Variants in CARD19 observed in about 807,000 individuals in gnomAD.
The protein encoded by CARD19 is caspase recruitment domain-containing protein 19.
In CARD19, 25 loss-of-function variants were observed where a neutral mutation model predicts 24.1. The ratio of observed to expected loss-of-function variants is 1.04; its 90% CI spans 0.76 to 1.45. The LOEUF is 1.45. CARD19 is among the 40% of genes most tolerant of loss of function. The probability of loss-of-function intolerance (pLI) is 0.00; values close to 1 mark genes in which losing one functional copy is unlikely to be tolerated. For missense variants in CARD19, 241 were observed against 247.4 expected, an observed-to-expected ratio of 0.97 and a Z score of 0.17; for synonymous variants, 103 against 104.9, an observed-to-expected ratio of 0.98 and a Z score of 0.11.
rs11557582 is a variant in CARD19, at chr9:93,110,634, G to C, written c.217G>C (p.Gly73Arg). ...CCTCCTGAGCCACCTGCAGCGGAGCGGTGAGCGGGACTGCCAGGAGTTCTA... is the reference window on the plus strand; with the variant it reads ...CCTCCTGAGCCACCTGCAGCGGAGCCGTGAGCGGGACTGCCAGGAGTTCTA... ...CDLLSHLQRS[G>R]ERDCQEFYRA... Residue 73 changes from glycine (G) to arginine (R), a missense_variant, in exon 3 of 6, where the codon GGT (glycine) becomes CGT (arginine). Transcript: ENST00000375464. The C allele has an allele frequency of 1.9e-6, 3 of 1,613,904 alleles. No individual in the cohort carries two copies. The South Asian group carries it at 3.3e-5, about 18-fold the overall frequency.
chr9:93,106,868 T>G (rs1014973185), intron 1 of CARD19, among the ~76,000 whole-genome samples: 2 of 152,156 alleles, frequency 1.3e-5, no homozygotes, highest in African/African-American at 4.8e-5. Flanking sequence ...TCAGTCCCTG[T>G]GGGGGTCCTG....
At chr9:93,108,158 G>A (rs554545851) in intron 2 of CARD19, among the ~76,000 whole-genome samples, 40 of 152,294 alleles carry the variant, frequency 2.6e-4, no homozygotes, top group African/African-American at 7.9e-4. Context: ...TACGGAGGGA[G>A]GCGAGAAAGA....
In CARD19 at chr9:93,104,265, C is replaced by T. The variant is rs116004177; in HGVS notation, c.8-3409C>T. Among the ~76,000 whole-genome samples, 238 of 152,160 alleles carry T rather than the reference C, an allele frequency of 1.6e-3. 1 individual carries two copies. Among genetic ancestry groups the T allele is most frequent in the African/African-American group, 5.5e-3 (230 of 41,518 alleles). On this transcript the variant is annotated intron_variant, in intron 1 of 5. Transcript: ENST00000375464. ...ATAAAGAGTATTGGTCTGTAGTGTT[C>T]TTTTCCATTTTTCTTTTTTCACAGA...
intron 3 of CARD19, chr9:93,111,456 G>A (rs1196413785): frequency 1.9e-6 from 2 of 1,075,252 alleles, no homozygotes; most frequent in Non-Finnish European, 2.3e-6. Flanking sequence ...CTTGTCCCAG[G>A]CTACTGGGCT....
chr9:93,110,892 G>A (rs1449365333), intron 3 of CARD19, 171 bp downstream of exon 3: 1 of 1,533,204 alleles, frequency 6.5e-7, no homozygotes, highest in Non-Finnish European at 8.7e-7. Context: ...TGGCCCCGAG[G>A]GGAGAGTGTG....
intron 1 of CARD19, among the ~76,000 whole-genome samples, chr9:93,102,529 C>T (rs1827122683): frequency 6.6e-6 from 1 of 151,950 alleles, no homozygotes; most frequent in Admixed American, 6.6e-5. Flanking sequence ...ATTCTAGACT[C>T]TCTTATTCTA....
In CARD19 at chr9:93,107,729, G is replaced by A. The variant is rs1564209951; in HGVS notation, c.63G>A (p.Gly21=). The A allele has an allele frequency of 1.9e-6, 3 of 1,614,236 alleles. No homozygotes were observed. The highest frequency in any genetic ancestry group is 2.5e-6 in the Non-Finnish European group (3 of 1,180,036). The change falls in exon 2 of 6, where the codon GGG becomes GGA. Residue 21 remains glycine, a synonymous_variant. Coordinates refer to ENST00000375464, the MANE Select transcript of CARD19 (RefSeq NM_032310.5). ...VQDTPFLTGH[G]RLSEQQVDRI... is the part of the protein sequence containing the mutation. ...ACACGCCTTTCCTGACAGGCCATGG[G>A]CGCTTGAGTGAGCAGCAGGTGGACA...
intron 4 of CARD19, 22 bp from the exon 5 acceptor site, chr9:93,112,196 G>T: frequency 6.5e-7 from 1 of 1,543,506 alleles, no homozygotes; most frequent in East Asian, 2.4e-5. Context: ...GGGGAGCCCT[G>T]TTCACGCTGG....
At chr9:93,108,117 GAC>G (rs922525373) in intron 2 of CARD19, among the ~76,000 whole-genome samples, 6 of 152,106 alleles carry the variant, frequency 3.9e-5, no homozygotes, top group African/African-American at 1.2e-4. Context: ...GATAACATGT[GAC>G]AATACATGAA....
At chr9:93,108,036 T>C (rs1208847937) in intron 2 of CARD19, among the ~76,000 whole-genome samples, 1 of 152,204 alleles carries the variant, frequency 6.6e-6, no homozygotes, top group Admixed American at 6.5e-5. Flanking sequence ...ACATCAGCTC[T>C]CTGTGCCTCG....
At chr9:93,111,299 G>A in intron 3 of CARD19, 4 of 1,146,300 alleles carry the variant, frequency 3.5e-6, no homozygotes, top group Non-Finnish European at 4.3e-6. Context: ...CAGTAGCCTG[G>A]GCCCACAGAG....
In CARD19 at chr9:93,107,690, C is replaced by T. The variant is rs926399337; in HGVS notation, c.24C>T (p.Asp8=). 1 of 1,614,222 alleles carries T rather than the reference C, an allele frequency of 6.2e-7. No homozygotes were observed. The change falls in exon 2 of 6, where the codon GAC becomes GAT. Residue 8 remains aspartate (D), a synonymous_variant. Coordinates refer to ENST00000375464, the MANE Select transcript of CARD19 (RefSeq NM_032310.5). ...CTGTTTTAGATCAGACCTATTGTGA[C>T]CGCCTGGTGCAGGACACGCCTTTCC... MTDQTYC[D]RLVQDTPFLT... is the part of the protein sequence containing the mutation.
At chr9:93,112,775 A>G (rs538198899) in intron 5 of CARD19, among the ~76,000 whole-genome samples, 2 of 152,292 alleles carry the variant, frequency 1.3e-5, no homozygotes, top group African/African-American at 2.4e-5. Flanking sequence ...ACAGGCACAC[A>G]TGGCAGGACT....
chr9:93,111,423 C>A, intron 3 of CARD19: 1 of 1,081,574 alleles, frequency 9.2e-7, no homozygotes, highest in Non-Finnish European at 1.1e-6. Flanking sequence ...GACAACAGGA[C>A]AGAGACCAGA....
intron 1 of CARD19, among the ~76,000 whole-genome samples, chr9:93,100,770 C>G (rs1020912306): frequency 6.6e-6 from 1 of 152,172 alleles, no homozygotes; most frequent in Admixed American, 6.5e-5. Context: ...TTTTCTGTCT[C>G]TATGAATTTG....
intron 3 of CARD19, chr9:93,111,052 T>G: frequency 2.1e-5 from 29 of 1,356,432 alleles, no homozygotes; most frequent in East Asian, 1.2e-4. Flanking sequence ...CGGGGATCCC[T>G]TCATGTCTGT....
chr9:93,109,609 C>T lies in CARD19; in HGVS notation c.151-959C>T, dbSNP rs1827385871. ...AGCCTCCCAAGAAGCTGGGATTAAACATGCACCATCATGCCCAGTCAATTT... is the reference window on the plus strand; with the variant it reads ...AGCCTCCCAAGAAGCTGGGATTAAATATGCACCATCATGCCCAGTCAATTT... On this transcript the variant is annotated intron_variant, in intron 2 of 5. Transcript: ENST00000375464. Among the ~76,000 whole-genome samples, 3 of 151,832 alleles carry T rather than the reference C, an allele frequency of 2.0e-5. No individual in the cohort carries two copies. The South Asian group carries it at 6.2e-4, about 32-fold the overall frequency.
intron 2 of CARD19, chr9:93,110,216 C>T (rs185376836): frequency 3.8e-5 from 9 of 233,992 alleles, no homozygotes; most frequent in East Asian, 9.9e-5. Context: ...AGGATGGTCT[C>T]GATCTCCTGA....
At chr9:93,112,047 T>C in intron 4 of CARD19, 109 bp downstream of exon 4, 1 of 1,455,958 alleles carries the variant, frequency 6.9e-7, no homozygotes, top group Admixed American at 2.0e-5. Context: ...CAAGTCTGGC[T>C]CCATTCCTGG....
Sources: gnomAD v4.1 joint callset for allele counts (sites outside exome capture counted in the v4.1 genomes callset) on GRCh38, gnomAD v4.1.1 for gene constraint, MANE v1.5 for transcripts, NCBI Gene and HGNC (gene_info 2026-07-23, HGNC 2026-07-21) for gene names.